CMC2: variants seen among roughly 807,000 people sequenced by gnomAD.
The protein encoded by CMC2 is COX assembly mitochondrial protein 2 homolog.
In CMC2, 5 loss-of-function variants were observed where a neutral mutation model predicts 7.5. The observed-to-expected ratio is 0.66, with a 90% confidence interval of 0.35 to 1.40. CMC2 has a LOEUF of 1.40. Among genes scored for constraint, CMC2 ranks in the 40% most tolerant of loss-of-function variants. The pLI, the probability that CMC2 is intolerant of heterozygous loss-of-function variation, is 0.04. For synonymous variants in CMC2, 37 were observed against 31.4 expected (o/e 1.18, Z -0.60); for missense variants, 115 against 92.3 (o/e 1.25, Z -1.01).
At chr16:80,991,521 G>A (rs1022823530) in intron 2 of CMC2, among the ~76,000 whole-genome samples, 11 of 151,880 alleles carry the variant, frequency 7.2e-5, no homozygotes, top group African/African-American at 2.7e-4. Context: ...GTGGCCTGTA[G>A]TCCCAGCTAC....
intron 2 of CMC2, among the ~76,000 whole-genome samples, chr16:80,992,584 C>G (rs986724140): frequency 1.3e-5 from 2 of 151,920 alleles, no homozygotes; most frequent in African/African-American, 4.8e-5. Context: ...ATTTGTATTT[C>G]TCTAATTATT....
intron 1 of CMC2, among the ~76,000 whole-genome samples, chr16:81,000,753 G>C (rs1301842423): frequency 6.6e-6 from 1 of 152,230 alleles, no homozygotes; most frequent in Non-Finnish European, 1.5e-5. Flanking sequence ...TTGTGGGAAT[G>C]TCAATTAGTT....
At chr16:80,982,493 C>T (rs901944862) in intron 2 of CMC2, 3 of 114,862 alleles carry the variant, frequency 2.6e-5, no homozygotes, top group Admixed American at 1.3e-4. Flanking sequence ...GCCTGGGCGA[C>T]GGAGTGAAAC....
intron 2 of CMC2, among the ~76,000 whole-genome samples, chr16:80,986,601 T>C (rs2151628431): frequency 6.6e-6 from 1 of 152,224 alleles, no homozygotes; most frequent in South Asian, 2.1e-4. Context: ...CCAATAAAAG[T>C]GTTGCCATGG....
rs923062566 is a variant in CMC2, at chr16:80,967,929, TCA to T, written c.*8162_*8163del. Reference sequence around the variant, plus strand: ...TAACGCTTCCTATTTTTTTTTCAAATCACATTCTCAACATAATATATCACCAA... The same window carrying T: ...TAACGCTTCCTATTTTTTTTTCAAATCATTCTCAACATAATATATCACCAA... On this transcript the variant is annotated 3_prime_UTR_variant, in exon 4 of 4. Transcript: ENST00000219400. 6.6e-5 allele frequency: 10 copies of T among 152,268 alleles called. No individual in the cohort carries two copies. The highest frequency in any genetic ancestry group is 2.2e-4 in the African/African-American group (9 of 41,550). The allele number at this position is 152,268 out of a possible 1,614,324, so 9.4% of individuals were successfully genotyped here. A position where few individuals can be genotyped will look rare whatever the true frequency, so the allele number is the denominator to read the frequency against.
chr16:81,006,290 C>G (rs796731714), intron 1 of CMC2, among the ~76,000 whole-genome samples: 17 of 152,318 alleles, frequency 1.1e-4, no homozygotes, highest in African/African-American at 4.1e-4. Flanking sequence ...CTTGCTTGAA[C>G]GGCCCCCGTT....
chr16:80,988,588 G>A, intron 2 of CMC2: 1 of 650,956 alleles, frequency 1.5e-6, no homozygotes. Context: ...CAGATATGAT[G>A]CACGTTTCCT....
At chr16:80,995,378 A>G (rs1490086317) in intron 2 of CMC2, among the ~76,000 whole-genome samples, 1 of 151,368 alleles carries the variant, frequency 6.6e-6, no homozygotes, top group Non-Finnish European at 1.5e-5. Flanking sequence ...AATGTAGGCC[A>G]GGTGCAGTGG....
chr16:80,968,003 C>A lies in CMC2; in HGVS notation c.*8090G>T, dbSNP rs1350353539. ...TAAATACAAAAGTTATTTGAGGAAA[C>A]TGCTTAAAAATTAAATGCAGAAAAA... is the stretch of plus-strand genomic sequence containing the variant. On this transcript the variant is annotated 3_prime_UTR_variant, in exon 4 of 4. Transcript: ENST00000219400. 6.6e-6 allele frequency: 1 copy of A among 151,944 alleles called. No homozygotes were observed. The highest frequency in any genetic ancestry group is 2.1e-4 in the South Asian group (1 of 4,822). 9.4% of individuals were successfully genotyped at this position (151,944 alleles called of 1,614,324 possible). A position where few individuals can be genotyped will look rare whatever the true frequency, so the allele number is the denominator to read the frequency against.
chr16:80,985,310 T>TC (rs34699659), intron 2 of CMC2, among the ~76,000 whole-genome samples: 34 of 152,314 alleles, frequency 2.2e-4, no homozygotes, highest in African/African-American at 7.5e-4. Flanking sequence ...AGCGGAGTTT[T>TC]CCCGGGGCTA....
chr16:80,988,137 T>C (rs896340225), intron 2 of CMC2, among the ~76,000 whole-genome samples: 4 of 152,170 alleles, frequency 2.6e-5, no homozygotes, highest in East Asian at 1.9e-4. Context: ...TGAACTTTGA[T>C]TGTGCCACCG....
chr16:80,978,772 C>A (rs901102022), intron 3 of CMC2, among the ~76,000 whole-genome samples: 1 of 151,908 alleles, frequency 6.6e-6, no homozygotes, highest in Non-Finnish European at 1.5e-5. Flanking sequence ...AATGGCCATA[C>A]CCTTTTTCTA....
intron 2 of CMC2, among the ~76,000 whole-genome samples, chr16:80,990,677 G>A (rs982109020): frequency 5.3e-5 from 8 of 151,992 alleles, no homozygotes; most frequent in African/African-American, 1.7e-4. Context: ...ACTTCTTCAC[G>A]AAATATATCC....
intron 1 of CMC2, among the ~76,000 whole-genome samples, chr16:81,002,078 T>A (rs914244373): frequency 3.9e-5 from 6 of 152,210 alleles, no homozygotes; most frequent in African/African-American, 1.4e-4. Context: ...CACCTACATT[T>A]ATGTGAAGTG....
Position 80,975,886 on chromosome 16 carries a change from G to C in CMC2, c.*207C>G, listed in dbSNP as rs908280289. The C allele has an allele frequency of 2.6e-5, 12 of 463,430 alleles. No individual in the cohort carries two copies. Among genetic ancestry groups the C allele is most frequent in the Middle Eastern group, 5.7e-4 (1 of 1,766 alleles). The allele number at this position is 463,430 out of a possible 1,614,324, so 28.7% of individuals were successfully genotyped here. A position where few individuals can be genotyped will look rare whatever the true frequency, so the allele number is the denominator to read the frequency against. On this transcript the variant is annotated 3_prime_UTR_variant, in exon 4 of 4. Transcript: ENST00000219400. The stretch of plus-strand genomic sequence containing the variant: ...AAGGGAATAAACATGGTGAAGTCAG[G>C]TTTGCTGGTAAAGGGGAGACAGTAC...
chr16:80,973,594 T>C lies in CMC2; in HGVS notation c.*2499A>G, dbSNP rs1912080853. Reference sequence around the variant, plus strand: ...CCACTCCCTAAAACTTTCTAATGGTTTTCCATTATGCTCCAAATAACATGC... The same window carrying C: ...CCACTCCCTAAAACTTTCTAATGGTCTTCCATTATGCTCCAAATAACATGC... On this transcript the variant is annotated 3_prime_UTR_variant, in exon 4 of 4. Coordinates refer to ENST00000219400, the MANE Select transcript of CMC2 (RefSeq NM_020188.5). The C allele has an allele frequency of 6.6e-6, 1 of 152,178 alleles. No homozygotes were observed. The highest frequency in any genetic ancestry group is 1.5e-5 in the Non-Finnish European group (1 of 68,028). 9.4% of individuals were successfully genotyped at this position (152,178 alleles called of 1,614,324 possible).
chr16:80,982,074 T>C (rs922192424), intron 2 of CMC2, among the ~76,000 whole-genome samples, 197 bp from the exon 3 acceptor site: 1 of 152,184 alleles, frequency 6.6e-6, no homozygotes, highest in African/African-American at 2.4e-5. Flanking sequence ...CACTTATACC[T>C]GGATTTTCTT....
chr16:80,986,696 G>C (rs1967568333), intron 2 of CMC2, among the ~76,000 whole-genome samples: 1 of 152,246 alleles, frequency 6.6e-6, no homozygotes, highest in Non-Finnish European at 1.5e-5. Context: ...GGACTCACAG[G>C]AAGAGGTGAG....
chr16:80,978,124 C>A, intron 3 of CMC2: 1 of 267,170 alleles, frequency 3.7e-6, no homozygotes, highest in Non-Finnish European at 5.9e-6. Context: ...CCTTCAAAGT[C>A]ATTCATTTTA....
Sources: allele counts gnomAD v4.1 joint callset (sites outside exome capture counted in the v4.1 genomes callset), GRCh38; gene constraint gnomAD v4.1.1; transcripts MANE v1.5; gene names NCBI Gene and HGNC (gene_info 2026-07-23, HGNC 2026-07-21).